Variants in PLAAT3 observed in about 807,000 individuals in gnomAD.
PLAAT3 encodes phospholipase A and acyltransferase 3, also known as Ca-independent phospholipase A1/2.
A neutral mutation model predicts 16.7 loss-of-function variants in PLAAT3; 21 were observed. That is an observed-to-expected ratio of 1.26 (90% confidence interval 0.89 to 1.81). The LOEUF is 1.81. Among genes scored for constraint, PLAAT3 ranks in the 40% most tolerant of loss-of-function variants. PLAAT3 has a pLI of 0.00. For missense variants in PLAAT3, 219 were observed against 213.7 expected, an observed-to-expected ratio of 1.02 and a Z score of -0.16; for synonymous variants, 76 against 81.7, an observed-to-expected ratio of 0.93 and a Z score of 0.38.
chr11:63,598,783 G>C (rs564019148), intron 2 of PLAAT3: 1 of 504,008 alleles, frequency 2.0e-6, no homozygotes, highest in African/African-American at 1.9e-5. Flanking sequence ...GCCTAATGGA[G>C]AACTGGCATC....
chr11:63,584,702 G>A (rs1937919922), intron 4 of PLAAT3, among the ~76,000 whole-genome samples: 1 of 151,862 alleles, frequency 6.6e-6, no homozygotes. Flanking sequence ...AGTAGAGACG[G>A]GGTTTCACCA....
At chr11:63,597,928 CT>C in intron 3 of PLAAT3, 132 bp downstream of exon 3, 1 of 664,770 alleles carries the variant, frequency 1.5e-6, no homozygotes, top group Non-Finnish European at 2.7e-6. Flanking sequence ...TATCAAACTT[CT>C]TGTAACATTC....
intron 4 of PLAAT3, 101 bp from the exon 5 acceptor site, chr11:63,575,147 T>C (rs2017642597): frequency 2.7e-6 from 2 of 752,954 alleles, no homozygotes; most frequent in Admixed American, 2.3e-5. Context: ...CACATGCCCC[T>C]TGGCCTCCCT....
chr11:63,603,001 G>A (rs1473573536), intron 2 of PLAAT3, among the ~76,000 whole-genome samples: 1 of 152,120 alleles, frequency 6.6e-6, no homozygotes, highest in African/African-American at 2.4e-5. Flanking sequence ...GCTGAGGCAG[G>A]GAGAATCGCT....
intron 3 of PLAAT3, among the ~76,000 whole-genome samples, chr11:63,596,712 G>T (rs1284527973): frequency 6.6e-5 from 10 of 152,010 alleles, no homozygotes; most frequent in Non-Finnish European, 1.5e-4. Context: ...TCAGGGGAGG[G>T]ACTATATGGG....
At chr11:63,613,882 C>T (rs2134438586) in intron 2 of PLAAT3, 118 bp downstream of exon 2, 1 of 681,014 alleles carries the variant, frequency 1.5e-6, no homozygotes. Flanking sequence ...GACAGAGGTG[C>T]GGGCCCCACA....
At chr11:63,593,132 T>C (rs1938193417) in intron 3 of PLAAT3, among the ~76,000 whole-genome samples, 1 of 152,116 alleles carries the variant, frequency 6.6e-6, no homozygotes, top group African/African-American at 2.4e-5. Flanking sequence ...GGTGCTGAAG[T>C]CAGTGACGTG....
chr11:63,603,065 C>T (rs1295532876), intron 2 of PLAAT3, among the ~76,000 whole-genome samples: 3 of 152,064 alleles, frequency 2.0e-5, no homozygotes, highest in East Asian at 1.9e-4. Flanking sequence ...TGCACTCCAG[C>T]CTGGGCAACA....
At chr11:63,575,106 A>G in intron 4 of PLAAT3, 60 bp from the exon 5 acceptor site, 1 of 1,164,316 alleles carries the variant, frequency 8.6e-7, no homozygotes, top group Non-Finnish European at 1.3e-6. Flanking sequence ...CAGGCTGCAC[A>G]TTCAGCAGAA....
At chr11:63,613,957 G>T (rs1379331653) in intron 2 of PLAAT3, 43 bp downstream of exon 2, 1 of 1,250,566 alleles carries the variant, frequency 8.0e-7, no homozygotes. Context: ...CCACTAACAG[G>T]GGGCTCCCAG....
Position 63,590,181 on chromosome 11 carries a change from C to A in PLAAT3, c.306G>T (p.Gln102His). The stretch of plus-strand genomic sequence containing the variant: ...CACTGGTCAGCTTGTAGAGCACCTC[C>A]TGCCCCACCAGCTCCTCCGCCCGCT... The part of the protein sequence containing the change: ...IIQRAEELVG[Q>H]EVLYKLTSEN... Residue 102 changes from glutamine (Q) to histidine (H), a missense_variant, in exon 4 of 5, where the codon CAG becomes CAT. By Grantham distance (24) the Gln-to-His change is conservative (BLOSUM62 0). Coordinates refer to ENST00000415826, the MANE Select transcript of PLAAT3 (RefSeq NM_001128203.2). 1 of 1,614,200 alleles carries A rather than the reference C, an allele frequency of 6.2e-7. No homozygotes were observed. The highest frequency in any genetic ancestry group is 8.5e-7 in the Non-Finnish European group (1 of 1,180,000).
chr11:63,587,058 T>G (rs1201072553), intron 4 of PLAAT3, among the ~76,000 whole-genome samples: 1 of 152,192 alleles, frequency 6.6e-6, no homozygotes, highest in African/African-American at 2.4e-5. Context: ...TGCTCTAGCC[T>G]GGGTGACGAA....
At position 63,614,111 on chromosome 11, in the gene PLAAT3, C is replaced by A. The variant is rs752508181; in HGVS notation, c.-54-43G>T. On this transcript the variant is annotated intron_variant, in intron 1 of 4. Transcript: ENST00000415826. Reference sequence around the variant, plus strand: ...GGGATTTATTGTCATTAACAGGAAACTGCGTCTCCAGACCCCACGGGACTG... The same window carrying A: ...GGGATTTATTGTCATTAACAGGAAAATGCGTCTCCAGACCCCACGGGACTG... 25 of 1,574,972 alleles carry A rather than the reference C, an allele frequency of 1.6e-5. No homozygotes were observed. In the African/African-American group the frequency reaches 2.0e-4, roughly 13 times the overall value.
At chr11:63,589,332 TC>T (rs1387297969) in intron 4 of PLAAT3, among the ~76,000 whole-genome samples, 2 of 145,024 alleles carry the variant, frequency 1.4e-5, no homozygotes, top group African/African-American at 5.2e-5. Flanking sequence ...CTTAAGCTAA[TC>T]ATTCACTGAA....
intron 2 of PLAAT3, among the ~76,000 whole-genome samples, chr11:63,603,753 C>G (rs935448294): frequency 4.8e-4 from 16 of 33,176 alleles, no homozygotes; most frequent in Admixed American, 1.5e-3. Flanking sequence ...CACACACACA[C>G]AGACAGAGAT....
rs766854304 is a variant in PLAAT3, at chr11:63,598,143, G to C, written c.36C>G (p.Asp12Glu). 1 of 1,613,784 alleles carries C rather than the reference G, an allele frequency of 6.2e-7. No homozygotes were observed. Among genetic ancestry groups the C allele is most frequent in the South Asian group, 1.1e-5 (1 of 91,068 alleles). ...AGAAAGGGCGAAAAATCTCAATCAG[G>C]TCTCCAGGCTTAGGCTCTGGCTGCA... ...RAPIPEPKPGDLIEIFRPFYR... is the reference protein window; with the variant it reads ...RAPIPEPKPGELIEIFRPFYR... Residue 12 changes from aspartate to glutamate, a missense_variant, in exon 3 of 5, where the codon GAC becomes GAG. By Grantham distance (45) the Asp-to-Glu change is conservative. Coordinates refer to ENST00000415826, the MANE Select transcript of PLAAT3 (RefSeq NM_001128203.2).
In PLAAT3 at chr11:63,601,931, G is replaced by T. The variant is rs977485818; in HGVS notation, c.16-3768C>A. 1.5e-4 allele frequency among the ~76,000 whole-genome samples: 20 copies of T among 134,844 alleles called. No homozygotes were observed. The Admixed American group carries it at 1.6e-3, about 10-fold the overall frequency. 88.5% of individuals were successfully genotyped at this position (134,844 alleles called of 152,430 possible). On this transcript the variant is annotated intron_variant, in intron 2 of 4. Transcript: ENST00000415826. ...GGTGGTGGGGGTTGCAGTGAGCAGA[G>T]ATTGCACCATTGCATTCCAGCCTGG...
chr11:63,598,753 C>T, intron 2 of PLAAT3: 1 of 516,444 alleles, frequency 1.9e-6, no homozygotes, highest in South Asian at 1.4e-5. Flanking sequence ...TCCACAGACA[C>T]TCCCCAACAC....
Position 63,614,022 on chromosome 11 carries a change from C to A in PLAAT3, c.-8G>T, listed in dbSNP as rs778693698. ...TACAATGGGCGCACGCATCTTCCCT[C>A]GCGGTGTGGACCCTCAAGGCCAGGC... On this transcript the variant is annotated 5_prime_UTR_variant, in exon 2 of 5. Coordinates refer to ENST00000415826, the MANE Select transcript of PLAAT3 (RefSeq NM_001128203.2). The A allele has an allele frequency of 3.1e-6, 5 of 1,611,992 alleles. No homozygotes were observed. The Admixed American group carries it at 8.3e-5, about 27-fold the overall frequency.
Sources: allele counts gnomAD v4.1 joint callset (sites outside exome capture counted in the v4.1 genomes callset), GRCh38; gene constraint gnomAD v4.1.1; transcripts MANE v1.5; gene names NCBI Gene and HGNC (gene_info 2026-07-23, HGNC 2026-07-21).